ARHGAP10: variants seen among roughly 807,000 people sequenced by gnomAD.
ARHGAP10 encodes rho GTPase-activating protein 10.
ARHGAP10 carries 87 observed loss-of-function variants against 108.6 expected under a neutral mutation model. That is an observed-to-expected ratio of 0.80 (90% CI 0.67 to 0.96). ARHGAP10 has a LOEUF of 0.96. Among genes scored for constraint, ARHGAP10 ranks in the 40% least tolerant of loss-of-function variants. ARHGAP10 has a pLI of 0.00. For missense variants in ARHGAP10, 939 were observed against 954.5 expected (o/e 0.98, Z 0.21); for synonymous variants, 347 against 341.1 (o/e 1.02, Z -0.19).
At position 148,041,755 on chromosome 4, in the gene ARHGAP10, C is replaced by T. The variant is rs1256156572; in HGVS notation, c.1868-5137C>T. ...GTGGTAGCTATCACCAAAGACATGTCCTCTTGACCAATTGTGGTCAGTTTT... is the reference window on the plus strand; with the variant it reads ...GTGGTAGCTATCACCAAAGACATGTTCTCTTGACCAATTGTGGTCAGTTTT... On this transcript the variant is annotated intron_variant, in intron 19 of 22. Transcript: ENST00000336498. 2.0e-5 allele frequency among the ~76,000 whole-genome samples: 3 copies of T among 152,178 alleles called. 1 individual carries two copies. In the South Asian group the frequency reaches 6.2e-4, roughly 32 times the overall value.
At chr4:147,903,677 C>G (rs1736341358) in intron 10 of ARHGAP10, among the ~76,000 whole-genome samples, 1 of 152,186 alleles carries the variant, frequency 6.6e-6, no homozygotes, top group South Asian at 2.1e-4. Flanking sequence ...TTGACCTTTT[C>G]CAGAGTGTCA....
intron 15 of ARHGAP10, among the ~76,000 whole-genome samples, chr4:147,950,419 T>C (rs574465496): frequency 5.9e-5 from 9 of 152,318 alleles, no homozygotes; most frequent in African/African-American, 2.2e-4. Flanking sequence ...GGAGCCAGCC[T>C]GCCTGCCAGG....
intron 18 of ARHGAP10, among the ~76,000 whole-genome samples, chr4:147,979,268 T>C (rs1013304340): frequency 1.3e-5 from 2 of 152,214 alleles, no homozygotes; most frequent in African/African-American, 4.8e-5. Context: ...TTCTGCTGCA[T>C]AGAGTTAGCC....
At chr4:147,798,800 TATATATATATATATATAG>T in intron 1 of ARHGAP10, among the ~76,000 whole-genome samples, 1 of 119,584 alleles carries the variant, frequency 8.4e-6, no homozygotes, top group Non-Finnish European at 1.7e-5. Flanking sequence ...TATATATATA[TATATATATATATATATAG>T]ACTTTTTACC....
At chr4:147,998,736 T>TA in intron 18 of ARHGAP10, among the ~76,000 whole-genome samples, 1 of 152,356 alleles carries the variant, frequency 6.6e-6, no homozygotes, top group East Asian at 1.9e-4. Context: ...AGCAGATTCC[T>TA]AAAAGCATTT....
rs375626245 is a variant in ARHGAP10, at chr4:147,946,039, C to T, written c.1304-578C>T. ...TGTGGGCCCTTAGTCTAAGCCACTC[C>T]ACATTGATTTATTTCCCTTTCTAAG... On this transcript the variant is annotated intron_variant, in intron 14 of 22. Transcript: ENST00000336498. Among the ~76,000 whole-genome samples the T allele has an allele frequency of 2.6e-4, 39 of 152,298 alleles. No individual in the cohort carries two copies. The South Asian group carries it at 7.3e-3, about 28-fold the overall frequency.
intron 4 of ARHGAP10, among the ~76,000 whole-genome samples, chr4:147,852,676 A>G (rs1246974917): frequency 6.9e-6 from 1 of 145,336 alleles, no homozygotes; most frequent in African/African-American, 2.5e-5. Context: ...TTTTTATGTC[A>G]TATTTCTGGT....
At chr4:147,872,077 G>A (rs986458957) in intron 7 of ARHGAP10, among the ~76,000 whole-genome samples, 14 of 134,396 alleles carry the variant, frequency 1.0e-4, no homozygotes, top group African/African-American at 4.1e-4. Context: ...ACTCCAGCCT[G>A]ACCAACAGAG....
chr4:148,014,320 A>C (rs1402547644), intron 18 of ARHGAP10, among the ~76,000 whole-genome samples: 2 of 152,228 alleles, frequency 1.3e-5, no homozygotes, highest in East Asian at 3.8e-4. Flanking sequence ...TATTCTTCTG[A>C]CTTCAGAAAT....
chr4:147,817,623 A>G (rs1732308656), intron 1 of ARHGAP10, among the ~76,000 whole-genome samples: 1 of 152,188 alleles, frequency 6.6e-6, no homozygotes, highest in Admixed American at 6.5e-5. Flanking sequence ...AACCCTGGGA[A>G]GAATTAGATC....
At chr4:148,038,545 T>A (rs954170594) in intron 19 of ARHGAP10, among the ~76,000 whole-genome samples, 8 of 152,196 alleles carry the variant, frequency 5.3e-5, no homozygotes, top group African/African-American at 1.7e-4. Flanking sequence ...TGAACCCTCG[T>A]CTTCCAATAC....
chr4:147,839,503 G>A (rs1733322992), intron 3 of ARHGAP10, among the ~76,000 whole-genome samples: 1 of 152,220 alleles, frequency 6.6e-6, no homozygotes, highest in Non-Finnish European at 1.5e-5. Flanking sequence ...TGATTTAGTA[G>A]TTATACTGAC....
At chr4:147,953,391 T>C (rs1263106755) in intron 15 of ARHGAP10, among the ~76,000 whole-genome samples, 1 of 152,076 alleles carries the variant, frequency 6.6e-6, no homozygotes, top group Non-Finnish European at 1.5e-5. Context: ...TGACATCATC[T>C]GGCCCTAGAG....
intron 15 of ARHGAP10, among the ~76,000 whole-genome samples, chr4:147,951,225 C>T (rs879530954): frequency 6.6e-6 from 1 of 152,082 alleles, no homozygotes; most frequent in Non-Finnish European, 1.5e-5. Context: ...TAAGGTTTCT[C>T]ATTCCCCCCC....
intron 1 of ARHGAP10, among the ~76,000 whole-genome samples, chr4:147,821,046 A>G (rs987284348): frequency 6.6e-6 from 1 of 152,118 alleles, no homozygotes; most frequent in Admixed American, 6.5e-5. Context: ...AGCCTCATGC[A>G]TGTACAGGGC....
chr4:147,824,542 G>A (rs1194218788), intron 3 of ARHGAP10, among the ~76,000 whole-genome samples: 1 of 152,136 alleles, frequency 6.6e-6, no homozygotes, highest in Non-Finnish European at 1.5e-5. Context: ...AAGGAAAGAG[G>A]TTTAATTGAC....
intron 10 of ARHGAP10, among the ~76,000 whole-genome samples, chr4:147,883,776 C>T (rs1049588666): frequency 1.3e-5 from 2 of 151,918 alleles, no homozygotes; most frequent in Admixed American, 6.6e-5. Context: ...CTCACTGCAA[C>T]CTCTGCCTCC....
chr4:147,939,818 C>T lies in ARHGAP10; in HGVS notation c.1229-7C>T. On this transcript the variant is annotated splice_region_variant and splice_polypyrimidine_tract_variant and intron_variant, in intron 13 of 22. Transcript: ENST00000336498. ...CTATTTTGCTAATAGTTTGTTTCTTCCCATAGGTATAAATGACCAAGGATT... is the reference window on the plus strand; with the variant it reads ...CTATTTTGCTAATAGTTTGTTTCTTTCCATAGGTATAAATGACCAAGGATT... 6 of 1,613,152 alleles carry T rather than the reference C, an allele frequency of 3.7e-6. No homozygotes were observed. The highest frequency in any genetic ancestry group is 5.1e-6 in the Non-Finnish European group (6 of 1,179,230).
At chr4:147,784,668 T>TAAAATATATATTATAAAA (rs1560756424) in intron 1 of ARHGAP10, among the ~76,000 whole-genome samples, 1 of 1,944 alleles carries the variant, frequency 5.1e-4, no homozygotes, top group African/African-American at 1.1e-3. Context: ...AAAATATATA[T>TAAAATATATATTATAAAA]TATATATTAT....
Sources: gnomAD v4.1 joint callset for allele counts (sites outside exome capture counted in the v4.1 genomes callset) on GRCh38, gnomAD v4.1.1 for gene constraint, MANE v1.5 for transcripts, NCBI Gene and HGNC (gene_info 2026-07-23, HGNC 2026-07-21) for gene names.